Variants in PTPRN2 observed in about 807,000 individuals in gnomAD.
PTPRN2 encodes receptor-type tyrosine-protein phosphatase N2.
Under a neutral mutation model 118.8 loss-of-function variants are expected in PTPRN2, and 74 were observed. The observed-to-expected ratio is 0.62, with a 90% CI of 0.52 to 0.76. The LOEUF (loss-of-function observed/expected upper bound fraction) is 0.76. Among genes scored for constraint, PTPRN2 ranks in the 30% least tolerant of loss-of-function variants. The probability of loss-of-function intolerance (pLI) is 0.00; values close to 1 mark genes in which losing one functional copy is unlikely to be tolerated. For synonymous variants in PTPRN2, 641 were observed against 608.0 expected, an observed-to-expected ratio of 1.05 and a Z score of -0.80; for missense variants, 1,481 against 1,394.4, an observed-to-expected ratio of 1.06 and a Z score of -0.99.
intron 2 of PTPRN2, among the ~76,000 whole-genome samples, chr7:158,408,824 G>T (rs555242121): frequency 6.6e-6 from 1 of 151,890 alleles, no homozygotes; most frequent in African/African-American, 2.4e-5. Context: ...CGCTGCTAAC[G>T]TCAACACTGG....
intron 12 of PTPRN2, among the ~76,000 whole-genome samples, chr7:157,798,571 C>G (rs1220383573): frequency 4.6e-5 from 7 of 152,156 alleles, no homozygotes; most frequent in Non-Finnish European, 8.8e-5. Context: ...CGCTTCTGGT[C>G]TGAGAATGTC....
intron 21 of PTPRN2, among the ~76,000 whole-genome samples, chr7:157,563,399 A>G (rs1639541): frequency 0.3 from 362 of 1,206 alleles, 137 homozygotes; most frequent in Middle Eastern, 1. Flanking sequence ...GTGGTCCCGC[A>G]TCACCACACA....
At chr7:157,680,697 T>C (rs1563337989) in intron 13 of PTPRN2, among the ~76,000 whole-genome samples, 1 of 152,238 alleles carries the variant, frequency 6.6e-6, no homozygotes, top group Non-Finnish European at 1.5e-5. Context: ...TTAATCAAAG[T>C]ACTTCCCTAA....
rs561614834 is a variant in PTPRN2, at chr7:157,849,945, C to T, written c.1788+48728G>A. Among the ~76,000 whole-genome samples, 279 of 152,322 alleles carry T rather than the reference C, an allele frequency of 1.8e-3. 2 individuals carry two copies. The highest frequency in any genetic ancestry group is 6.3e-3 in the African/African-American group (263 of 41,558). On this transcript the variant is annotated intron_variant, in intron 12 of 22. Coordinates refer to ENST00000389418, the MANE Select transcript of PTPRN2 (RefSeq NM_002847.5). ...GCCCGTGTGTGCCGTGTCCTGGGGACGACATGAGATAGCCAGGCTCCCCGT... is the reference window on the plus strand; with the variant it reads ...GCCCGTGTGTGCCGTGTCCTGGGGATGACATGAGATAGCCAGGCTCCCCGT...
intron 12 of PTPRN2, among the ~76,000 whole-genome samples, chr7:157,725,304 G>C (rs1345041961): frequency 9.0e-6 from 1 of 111,560 alleles, no homozygotes; most frequent in Non-Finnish European, 1.7e-5. Flanking sequence ...CCTACACCCA[G>C]AGGAGTGTGG....
chr7:158,231,533 TCAA>T (rs1017983144), intron 3 of PTPRN2, among the ~76,000 whole-genome samples: 1 of 152,166 alleles, frequency 6.6e-6, no homozygotes, highest in African/African-American at 2.4e-5. Flanking sequence ...GCAGGGCACT[TCAA>T]CACCCCATTC....
intron 3 of PTPRN2, among the ~76,000 whole-genome samples, chr7:158,226,060 T>C (rs942728800): frequency 6.6e-6 from 1 of 152,122 alleles, no homozygotes; most frequent in African/African-American, 2.4e-5. Flanking sequence ...AAAGTAACAA[T>C]ATTAAAATTA....
At chr7:157,969,319 A>G (rs749733442) in intron 11 of PTPRN2, among the ~76,000 whole-genome samples, 9 of 152,150 alleles carry the variant, frequency 5.9e-5, no homozygotes, top group South Asian at 2.1e-4. Flanking sequence ...CATGTTGCCC[A>G]GGCTGGTCTC....
intron 2 of PTPRN2, among the ~76,000 whole-genome samples, chr7:158,329,390 C>T (rs1043613545): frequency 5.3e-5 from 8 of 152,228 alleles, no homozygotes; most frequent in Non-Finnish European, 1.2e-4. Flanking sequence ...GAGGCTCCTC[C>T]TCCATGCAAC....
intron 11 of PTPRN2, among the ~76,000 whole-genome samples, chr7:157,955,297 C>A (rs4716830): frequency 6.6e-6 from 1 of 151,962 alleles, no homozygotes; most frequent in African/African-American, 2.4e-5. Context: ...TGGAGAAAAG[C>A]AATTCCAAGG....
chr7:157,731,946 T>G (rs1437872357), intron 12 of PTPRN2, among the ~76,000 whole-genome samples: 5 of 32,224 alleles, frequency 1.6e-4, no homozygotes, highest in East Asian at 1.1e-3. Flanking sequence ...TCCCGTCCCA[T>G]GCGCCCAGCA....
chr7:158,288,281 C>A (rs1241930231), intron 3 of PTPRN2, among the ~76,000 whole-genome samples: 1 of 152,134 alleles, frequency 6.6e-6, no homozygotes, highest in Non-Finnish European at 1.5e-5. Flanking sequence ...AATCCATTTA[C>A]ATTCACAGTA....
At chr7:158,388,383 G>A (rs1037675583) in intron 2 of PTPRN2, among the ~76,000 whole-genome samples, 4 of 152,168 alleles carry the variant, frequency 2.6e-5, no homozygotes, top group South Asian at 2.1e-4. Flanking sequence ...CCCAGCCAGC[G>A]ACAAACTCGG....
chr7:158,202,669 G>T (rs1190424899), intron 4 of PTPRN2, among the ~76,000 whole-genome samples: 1 of 152,180 alleles, frequency 6.6e-6, no homozygotes, highest in Admixed American at 6.5e-5. Context: ...CCTCTGTTTT[G>T]TGGGCAGGGA....
At chr7:157,821,691 A>T (rs1301739274) in intron 12 of PTPRN2, among the ~76,000 whole-genome samples, 1 of 152,198 alleles carries the variant, frequency 6.6e-6, no homozygotes, top group Non-Finnish European at 1.5e-5. Flanking sequence ...AATGAGCTGG[A>T]GTCTGCACCT....
intron 11 of PTPRN2, among the ~76,000 whole-genome samples, chr7:158,041,366 G>A (rs189238791): frequency 1.8e-4 from 27 of 152,292 alleles, no homozygotes; most frequent in African/African-American, 4.8e-4. Flanking sequence ...GGCTGGGCAC[G>A]GTGGCTCATG....
At position 157,628,532 on chromosome 7, in the gene PTPRN2, C is replaced by T. The variant is rs113242825; in HGVS notation, c.2197-7023G>A. Among the ~76,000 whole-genome samples, 470 of 152,370 alleles carry T rather than the reference C, an allele frequency of 3.1e-3. 5 individuals are homozygous for T. The highest frequency in any genetic ancestry group is 0.011 in the African/African-American group (442 of 41,586). ...GAGTTCTTAACAGTCTTACACAGAA[C>T]GGTGTGGGTCCCTCCCACAGCTACT... is the stretch of plus-strand genomic sequence containing the variant. On this transcript the variant is annotated intron_variant, in intron 14 of 22. Coordinates refer to ENST00000389418, the MANE Select transcript of PTPRN2 (RefSeq NM_002847.5).
At chr7:158,473,500 A>G (rs1301239206) in intron 2 of PTPRN2, among the ~76,000 whole-genome samples, 1 of 152,188 alleles carries the variant, frequency 6.6e-6, no homozygotes, top group Non-Finnish European at 1.5e-5. Context: ...AGAGACCTCC[A>G]AGTGCCGGCT....
chr7:158,524,411 A>G (rs1824598621), intron 1 of PTPRN2, among the ~76,000 whole-genome samples: 1 of 121,588 alleles, frequency 8.2e-6, no homozygotes, highest in Non-Finnish European at 1.6e-5. Flanking sequence ...TCTGCCCTGG[A>G]GCGGAGTCTG....
Sources: gnomAD v4.1 joint callset for allele counts (sites outside exome capture counted in the v4.1 genomes callset) on GRCh38, gnomAD v4.1.1 for gene constraint, MANE v1.5 for transcripts, NCBI Gene and HGNC (gene_info 2026-07-23, HGNC 2026-07-21) for gene names.